Variants in LRP6 observed in about 807,000 individuals in gnomAD.
The protein encoded by LRP6 is low-density lipoprotein receptor-related protein 6.
In LRP6, 43 loss-of-function variants were observed where a neutral mutation model predicts 184.1. The ratio of observed to expected loss-of-function variants is 0.23; its 90% CI spans 0.18 to 0.30. The LOEUF is 0.30. Among genes scored for constraint, LRP6 ranks in the 10% least tolerant of loss-of-function variants. The pLI is 1.00. For missense variants in LRP6, 1,571 were observed against 2,005.3 expected, an observed-to-expected ratio of 0.78 and a Z score of 4.14; for synonymous variants, 719 against 684.9, an observed-to-expected ratio of 1.05 and a Z score of -0.78.
chr12:12,140,498 C>T (rs1026633763), intron 15 of LRP6, among the ~76,000 whole-genome samples: 6 of 151,782 alleles, frequency 4.0e-5, no homozygotes, highest in Non-Finnish European at 7.4e-5. Flanking sequence ...AGAAAACATT[C>T]CAGAATTTAA....
chr12:12,135,049 T>C, intron 17 of LRP6, 126 bp downstream of exon 17: 1 of 1,336,980 alleles, frequency 7.5e-7, no homozygotes, highest in Non-Finnish European at 1.1e-6. Flanking sequence ...TACAAATGAA[T>C]GGAACACACG....
At chr12:12,254,251 C>A (rs1379390745) in intron 1 of LRP6, among the ~76,000 whole-genome samples, 2 of 151,968 alleles carry the variant, frequency 1.3e-5, no homozygotes, top group African/African-American at 4.8e-5. Context: ...TGAGACCACA[C>A]CAGTGGACTG....
chr12:12,258,106 A>G (rs1245702588), intron 1 of LRP6, among the ~76,000 whole-genome samples: 1 of 152,186 alleles, frequency 6.6e-6, no homozygotes, highest in African/African-American at 2.4e-5. Flanking sequence ...AACATATCTA[A>G]TCTATGCTAA....
At chr12:12,222,068 C>A (rs1398773306) in intron 2 of LRP6, among the ~76,000 whole-genome samples, 1 of 152,154 alleles carries the variant, frequency 6.6e-6, no homozygotes, top group Non-Finnish European at 1.5e-5. Flanking sequence ...TGGGTTTCCA[C>A]ATTTCCTTCA....
intron 19 of LRP6, among the ~76,000 whole-genome samples, chr12:12,127,404 A>C (rs1476377896): frequency 6.6e-6 from 1 of 152,244 alleles, no homozygotes; most frequent in Admixed American, 6.5e-5. Context: ...AGCTCTGAGC[A>C]CATGTTAGAT....
At chr12:12,151,649 T>C (rs903023955) in intron 12 of LRP6, among the ~76,000 whole-genome samples, 1 of 152,172 alleles carries the variant, frequency 6.6e-6, no homozygotes, top group Non-Finnish European at 1.5e-5. Flanking sequence ...GAAAATACTT[T>C]AGAAACTGTA....
chr12:12,249,666 A>G (rs1443342249), intron 1 of LRP6, among the ~76,000 whole-genome samples: 1 of 147,100 alleles, frequency 6.8e-6, no homozygotes, highest in African/African-American at 2.6e-5. Flanking sequence ...AAGTTGTGCT[A>G]TAACAGAAGG....
chr12:12,225,404 T>C (rs1335121493), intron 2 of LRP6, among the ~76,000 whole-genome samples: 1 of 152,200 alleles, frequency 6.6e-6, no homozygotes, highest in Admixed American at 6.5e-5. Context: ...GATCATAATT[T>C]ATCAAAGCAG....
At chr12:12,131,757 G>A (rs1171938949) in intron 18 of LRP6, 64 bp downstream of exon 18, 7 of 1,368,616 alleles carry the variant, frequency 5.1e-6, no homozygotes, top group Middle Eastern at 1.8e-4. Flanking sequence ...AAGTAATACT[G>A]AAGTTTAAAC....
intron 1 of LRP6, among the ~76,000 whole-genome samples, chr12:12,253,987 A>G (rs1865395248): frequency 1.3e-5 from 2 of 151,826 alleles, no homozygotes; most frequent in African/African-American, 4.8e-5. Flanking sequence ...CTACCAAAAA[A>G]TACAAAATTA....
intron 3 of LRP6, among the ~76,000 whole-genome samples, chr12:12,201,240 C>T (rs1027356063): frequency 6.6e-6 from 1 of 152,084 alleles, no homozygotes; most frequent in Non-Finnish European, 1.5e-5. Context: ...TTGGATTATT[C>T]TATCCTATTC....
chr12:12,158,311 A>C (rs924385697), intron 12 of LRP6, among the ~76,000 whole-genome samples: 1 of 152,124 alleles, frequency 6.6e-6, no homozygotes, highest in African/African-American at 2.4e-5. Flanking sequence ...TTAATGTCCA[A>C]GGGTAAAAGA....
intron 6 of LRP6, among the ~76,000 whole-genome samples, chr12:12,180,569 G>T (rs977747606): frequency 6.6e-6 from 1 of 151,996 alleles, no homozygotes; most frequent in Admixed American, 6.6e-5. Flanking sequence ...GGGTGGCATG[G>T]CAAAACAAAA....
chr12:12,149,425 T>A (rs577863393), intron 13 of LRP6, among the ~76,000 whole-genome samples: 20 of 152,168 alleles, frequency 1.3e-4, no homozygotes, highest in African/African-American at 4.3e-4. Context: ...GATTAAGAGA[T>A]GGGAGTGAGA....
intron 2 of LRP6, among the ~76,000 whole-genome samples, chr12:12,204,409 T>A (rs763519526): frequency 6.6e-6 from 1 of 151,694 alleles, no homozygotes; most frequent in Non-Finnish European, 1.5e-5. Flanking sequence ...AATGCTATGA[T>A]CACTGGGGAG....
intron 2 of LRP6, among the ~76,000 whole-genome samples, chr12:12,242,809 C>T (rs1414923527): frequency 6.6e-6 from 1 of 152,178 alleles, no homozygotes; most frequent in Admixed American, 6.5e-5. Context: ...TAAAATTTCC[C>T]TATACTACTG....
chr12:12,175,302 T>C (rs934964070), intron 7 of LRP6, among the ~76,000 whole-genome samples: 30 of 151,948 alleles, frequency 2.0e-4, no homozygotes, highest in Admixed American at 2.6e-4. Flanking sequence ...GGCAGGGGTA[T>C]CACTTGAGCT....
At chr12:12,137,003 GT>G (rs1454245979) in intron 16 of LRP6, among the ~76,000 whole-genome samples, 1 of 152,086 alleles carries the variant, frequency 6.6e-6, no homozygotes, top group Non-Finnish European at 1.5e-5. Flanking sequence ...TCTATTAAAT[GT>G]TCAGCCTGAG....
intron 1 of LRP6, among the ~76,000 whole-genome samples, chr12:12,246,122 C>T (rs901289604): frequency 6.6e-6 from 1 of 151,062 alleles, no homozygotes; most frequent in African/African-American, 2.4e-5. Flanking sequence ...CCTGCCTCAG[C>T]CTCCTGAGTA....
Sources: allele counts gnomAD v4.1 joint callset (sites outside exome capture counted in the v4.1 genomes callset), GRCh38; gene constraint gnomAD v4.1.1; transcripts MANE v1.5; gene names NCBI Gene and HGNC (gene_info 2026-07-23, HGNC 2026-07-21).